Variants in LRP1B observed in about 807,000 individuals in gnomAD.
The protein encoded by LRP1B is low-density lipoprotein receptor-related protein 1B.
A neutral mutation model predicts 556.6 loss-of-function variants in LRP1B; 217 were observed. The ratio of observed to expected loss-of-function variants is 0.39; its 90% CI spans 0.35 to 0.44. The LOEUF is 0.44. LRP1B is among the 20% of genes least tolerant of loss of function. The pLI, the probability that LRP1B is intolerant of heterozygous loss-of-function variation, is 1.00. For missense variants in LRP1B, 5,053 were observed against 5,620.8 expected, an observed-to-expected ratio of 0.90 and a Z score of 3.23; for synonymous variants, 2,047 against 1,865.8, an observed-to-expected ratio of 1.10 and a Z score of -2.50.
chr2:140,326,215 C>T (rs1680467144), intron 79 of LRP1B, among the ~76,000 whole-genome samples: 1 of 152,064 alleles, frequency 6.6e-6, no homozygotes, highest in African/African-American at 2.4e-5. Context: ...TTTCCATTTT[C>T]ATCTTCATAT....
At chr2:141,317,493 A>G (rs954427952) in intron 3 of LRP1B, among the ~76,000 whole-genome samples, 2 of 152,128 alleles carry the variant, frequency 1.3e-5, no homozygotes, top group Non-Finnish European at 2.9e-5. Context: ...TTTAACCTTC[A>G]TTACCACTTT....
At chr2:141,429,287 C>T (rs1427664873) in intron 3 of LRP1B, among the ~76,000 whole-genome samples, 1 of 152,058 alleles carries the variant, frequency 6.6e-6, no homozygotes, top group East Asian at 1.9e-4. Flanking sequence ...GAGACATTTA[C>T]CCTTTTTAAT....
At chr2:140,765,741 A>T (rs982801815) in intron 35 of LRP1B, among the ~76,000 whole-genome samples, 4 of 152,146 alleles carry the variant, frequency 2.6e-5, no homozygotes, top group Non-Finnish European at 4.4e-5. Flanking sequence ...AAAGATTCAG[A>T]TCTGTTAATT....
At chr2:141,927,649 A>G (rs1700369968) in intron 1 of LRP1B, among the ~76,000 whole-genome samples, 1 of 151,890 alleles carries the variant, frequency 6.6e-6, no homozygotes, top group African/African-American at 2.4e-5. Context: ...GTTTTAGTTA[A>G]CTGGAGTAGT....
chr2:140,946,321 CA>C (rs1353734614), intron 20 of LRP1B, among the ~76,000 whole-genome samples: 7 of 152,074 alleles, frequency 4.6e-5, no homozygotes, highest in African/African-American at 1.7e-4. Flanking sequence ...AAAACAGGTT[CA>C]GGGGCAGTGG....
intron 1 of LRP1B, among the ~76,000 whole-genome samples, chr2:141,891,141 C>CT (rs553550548): frequency 3.9e-4 from 59 of 151,872 alleles, no homozygotes; most frequent in Admixed American, 9.9e-4. Context: ...TTTTCTTTTC[C>CT]TTTTTTTTAA....
intron 3 of LRP1B, among the ~76,000 whole-genome samples, chr2:141,331,099 C>A (rs76119343): frequency 8.9e-4 from 136 of 152,234 alleles, no homozygotes; most frequent in African/African-American, 3.0e-3. Context: ...AGCTAAAAGC[C>A]AACTTTGCTT....
chr2:142,102,852 T>G (rs1038234512), intron 1 of LRP1B, among the ~76,000 whole-genome samples: 3 of 151,958 alleles, frequency 2.0e-5, no homozygotes, highest in Non-Finnish European at 4.4e-5. Context: ...AAATCTTACC[T>G]TTTAAAATAT....
At chr2:140,961,656 C>T (rs1232616339) in intron 18 of LRP1B, among the ~76,000 whole-genome samples, 7 of 151,930 alleles carry the variant, frequency 4.6e-5, no homozygotes, top group African/African-American at 1.7e-4. Context: ...AATATAGTGT[C>T]ACAGCTTTTA....
intron 62 of LRP1B, among the ~76,000 whole-genome samples, chr2:140,451,234 G>C (rs1009853579): frequency 1.3e-5 from 2 of 152,182 alleles, no homozygotes; most frequent in East Asian, 3.9e-4. Context: ...AATAAATCAC[G>C]GCCCCAGCCC....
At chr2:140,464,728 G>C (rs1014801423) in intron 60 of LRP1B, among the ~76,000 whole-genome samples, 1 of 152,172 alleles carries the variant, frequency 6.6e-6, no homozygotes, top group African/African-American at 2.4e-5. Flanking sequence ...GTCTGAGCCT[G>C]ACTATAAGTA....
intron 2 of LRP1B, among the ~76,000 whole-genome samples, chr2:141,766,820 A>T (rs991807491): frequency 6.6e-6 from 1 of 152,120 alleles, no homozygotes; most frequent in East Asian, 1.9e-4. Flanking sequence ...TCTTTTAACC[A>T]TATAGCAACT....
At chr2:141,684,293 G>A (rs1420006600) in intron 2 of LRP1B, among the ~76,000 whole-genome samples, 26 of 152,106 alleles carry the variant, frequency 1.7e-4, no homozygotes. Context: ...ATGAGTTCAT[G>A]CCCATTGCAG....
intron 1 of LRP1B, among the ~76,000 whole-genome samples, chr2:142,129,317 A>G (rs551700883): frequency 4.6e-5 from 7 of 152,214 alleles, no homozygotes; most frequent in Admixed American, 2.0e-4. Flanking sequence ...ATTATCACCA[A>G]TAAGTGTCAG....
At chr2:141,088,925 G>T (rs1235947878) in intron 7 of LRP1B, among the ~76,000 whole-genome samples, 1 of 151,780 alleles carries the variant, frequency 6.6e-6, no homozygotes. Context: ...ACATAAAAGG[G>T]GTTTTTCTGG....
intron 18 of LRP1B, among the ~76,000 whole-genome samples, chr2:140,971,090 G>T (rs1271421660): frequency 6.6e-6 from 1 of 152,040 alleles, no homozygotes; most frequent in Non-Finnish European, 1.5e-5. Flanking sequence ...CATTTTTTGT[G>T]CTAATAACCT....
At chr2:141,649,551 G>C (rs1689708175) in intron 2 of LRP1B, among the ~76,000 whole-genome samples, 1 of 152,110 alleles carries the variant, frequency 6.6e-6, no homozygotes, top group Non-Finnish European at 1.5e-5. Flanking sequence ...GTCTTAAGTT[G>C]TATTGATGTC....
At chr2:140,511,966 A>G (rs1170033856) in intron 51 of LRP1B, among the ~76,000 whole-genome samples, 1 of 152,126 alleles carries the variant, frequency 6.6e-6, no homozygotes, top group African/African-American at 2.4e-5. Context: ...TATATTCTCA[A>G]TTCAATGCTT....
intron 7 of LRP1B, among the ~76,000 whole-genome samples, chr2:141,117,855 T>C (rs997215937): frequency 6.6e-6 from 1 of 151,974 alleles, no homozygotes; most frequent in Non-Finnish European, 1.5e-5. Context: ...CTAAGTCTGT[T>C]AAAACTCACT....
Sources: gnomAD v4.1 joint callset for allele counts (sites outside exome capture counted in the v4.1 genomes callset) on GRCh38, gnomAD v4.1.1 for gene constraint, MANE v1.5 for transcripts, NCBI Gene and HGNC (gene_info 2026-07-23, HGNC 2026-07-21) for gene names.